MED12L: variants seen among roughly 807,000 people sequenced by gnomAD.
The protein encoded by MED12L is mediator of RNA polymerase II transcription subunit 12-like protein.
In MED12L, 60 loss-of-function variants were observed where a neutral mutation model predicts 281.3. The observed-to-expected ratio is 0.21, with a 90% CI of 0.17 to 0.26. The LOEUF (loss-of-function observed/expected upper bound fraction) is 0.26, where lower values mean the gene tolerates loss of function less well. Among genes scored for constraint, MED12L ranks in the 10% least tolerant of loss-of-function variants. The pLI, the probability that MED12L is intolerant of heterozygous loss-of-function variation, is 1.00. For missense variants in MED12L, 2,146 were observed against 2,680.9 expected (o/e 0.80, Z 4.41); for synonymous variants, 974 against 987.2 (o/e 0.99, Z 0.25).
intron 41 of MED12L, among the ~76,000 whole-genome samples, chr3:151,411,793 T>G (rs1716967832): frequency 6.6e-6 from 1 of 152,154 alleles, no homozygotes; most frequent in African/African-American, 2.4e-5. Context: ...AGTGTTCTTT[T>G]TTTTCCTCTT....
At chr3:151,365,759 G>A (rs772905260) in intron 22 of MED12L, 91 bp from the exon 23 acceptor site, 2 of 1,142,726 alleles carry the variant, frequency 1.8e-6, no homozygotes, top group Non-Finnish European at 2.4e-6. Flanking sequence ...CTTGTTTGAT[G>A]TTAGTGAAAT....
rs1406072079 is a variant in MED12L at position 151,242,747 on chromosome 3, C to T, written c.2250+49081C>T. On this transcript the variant is annotated intron_variant, in intron 16 of 44. Transcript: ENST00000687756. ...AAGGAACGCAGTTCCTCACCAGCAG[C>T]GGAACAAAGCTGGATGGAGAATGAC... Among the ~76,000 whole-genome samples the T allele has an allele frequency of 1.2e-4, 18 of 152,282 alleles. No homozygotes were observed. The South Asian group carries it at 1.7e-3, about 14-fold the overall frequency.
At chr3:151,403,137 TTA>T (rs1477386378) in intron 39 of MED12L, among the ~76,000 whole-genome samples, 1 of 152,192 alleles carries the variant, frequency 6.6e-6, no homozygotes, top group African/African-American at 2.4e-5. Flanking sequence ...TTAACTCGGT[TTA>T]TGTTTGAGAC....
At chr3:151,253,534 G>T (rs181835049) in intron 16 of MED12L, among the ~76,000 whole-genome samples, 101 of 152,238 alleles carry the variant, frequency 6.6e-4, no homozygotes, top group African/African-American at 2.4e-3. Flanking sequence ...TACTGAGAAT[G>T]AATGGTTTTC....
intron 17 of MED12L, among the ~76,000 whole-genome samples, chr3:151,354,854 C>T (rs531454927): frequency 6.6e-6 from 1 of 152,132 alleles, no homozygotes; most frequent in South Asian, 2.1e-4. Context: ...TATAAAGTTC[C>T]AGTGTAGGCA....
intron 39 of MED12L, among the ~76,000 whole-genome samples, chr3:151,398,940 T>A (rs1715309933): frequency 6.6e-6 from 1 of 152,228 alleles, no homozygotes; most frequent in Admixed American, 6.5e-5. Flanking sequence ...GTAAATGTCG[T>A]CTTTTTCAAA....
chr3:151,263,157 G>A (rs563446217), intron 16 of MED12L, among the ~76,000 whole-genome samples: 1 of 152,256 alleles, frequency 6.6e-6, no homozygotes, highest in African/African-American at 2.4e-5. Context: ...CAACAGCTGA[G>A]GAGTGTGCAC....
chr3:151,225,000 A>G (rs1269494220), intron 16 of MED12L, among the ~76,000 whole-genome samples: 4 of 152,102 alleles, frequency 2.6e-5, no homozygotes, highest in African/African-American at 4.8e-5. Context: ...AAAATATTTT[A>G]TATTATTTAC....
intron 37 of MED12L, among the ~76,000 whole-genome samples, chr3:151,389,071 C>A (rs1293641660): frequency 6.6e-6 from 1 of 152,110 alleles, no homozygotes; most frequent in Non-Finnish European, 1.5e-5. Flanking sequence ...TAGAAATGAC[C>A]ACCACCACTT....
chr3:151,242,368 G>C (rs1344688994), intron 16 of MED12L, among the ~76,000 whole-genome samples: 3 of 152,198 alleles, frequency 2.0e-5, no homozygotes, highest in Non-Finnish European at 4.4e-5. Context: ...AGACTTAAAT[G>C]TCCCTGTCTG....
chr3:151,275,939 A>G (rs958933753), intron 16 of MED12L, among the ~76,000 whole-genome samples: 17 of 152,114 alleles, frequency 1.1e-4, no homozygotes, highest in Admixed American at 2.0e-4. Context: ...GTAGCACCAG[A>G]CTTGAAGCTA....
intron 42 of MED12L, 142 bp from the exon 43 acceptor site, chr3:151,416,170 G>C (rs1177112728): frequency 6.8e-7 from 1 of 1,479,026 alleles, no homozygotes; most frequent in East Asian, 2.3e-5. Context: ...ATGAGGTTCA[G>C]CAAGGTAGAG....
intron 16 of MED12L, among the ~76,000 whole-genome samples, chr3:151,293,638 T>TACACACACACACACACACAC (rs199892582): frequency 5.0e-5 from 5 of 99,668 alleles, no homozygotes; most frequent in African/African-American, 2.0e-4. Flanking sequence ...ATGAAGCCCT[T>TACACACACACACACACACAC]ACACACACAC....
intron 16 of MED12L, among the ~76,000 whole-genome samples, chr3:151,283,928 A>C (rs868456149): frequency 3.9e-5 from 6 of 152,216 alleles, no homozygotes; most frequent in African/African-American, 1.4e-4. Context: ...AACTTAGGAC[A>C]GGTAACTAAG....
At chr3:151,135,923 GGTGAAAA>G (rs1716073698) in intron 5 of MED12L, among the ~76,000 whole-genome samples, 1 of 152,176 alleles carries the variant, frequency 6.6e-6, no homozygotes, top group African/African-American at 2.4e-5. Flanking sequence ...TATTCAATAT[GGTGAAAA>G]GTGACAAGAC....
intron 37 of MED12L, 137 bp downstream of exon 37, chr3:151,388,309 C>A: frequency 1.9e-6 from 2 of 1,048,250 alleles, no homozygotes; most frequent in African/African-American, 1.6e-5. Context: ...CAGGTTTCTG[C>A]ATTAACTGAA....
intron 16 of MED12L, among the ~76,000 whole-genome samples, chr3:151,268,805 A>G (rs1740317076): frequency 6.6e-6 from 1 of 152,362 alleles, no homozygotes; most frequent in East Asian, 1.9e-4. Context: ...TTTAAGATGT[A>G]TCATAGACCT....
chr3:151,412,421 A>C (rs1300702918), intron 41 of MED12L, among the ~76,000 whole-genome samples: 1 of 152,218 alleles, frequency 6.6e-6, no homozygotes, highest in Admixed American at 6.5e-5. Flanking sequence ...GCCATCATAG[A>C]AAGTTCTGTT....
chr3:151,417,480 C>CG (rs1560144175), intron 43 of MED12L, among the ~76,000 whole-genome samples: 21 of 104,496 alleles, frequency 2.0e-4, no homozygotes, highest in African/African-American at 6.7e-4. Flanking sequence ...CCCAGCTCCC[C>CG]CCCCGCCTTT....
Sources: allele counts gnomAD v4.1 joint callset (sites outside exome capture counted in the v4.1 genomes callset), GRCh38; gene constraint gnomAD v4.1.1; transcripts MANE v1.5; gene names NCBI Gene and HGNC (gene_info 2026-07-23, HGNC 2026-07-21).